Variants in GAREM1 observed in about 807,000 individuals in gnomAD.
The protein encoded by GAREM1 is GRB2 associated regulator of MAPK1 subtype 1, also known as GRB2-associated and regulator of MAPK protein 1.
In GAREM1, 26 loss-of-function variants were observed where a neutral mutation model predicts 71.3. The observed-to-expected ratio is 0.36, with a 90% CI of 0.27 to 0.51. The LOEUF (loss-of-function observed/expected upper bound fraction) is 0.51, where lower values mean the gene tolerates loss of function less well. GAREM1 is among the 20% of genes least tolerant of loss of function. The probability of loss-of-function intolerance (pLI) is 0.95; values close to 1 mark genes in which losing one functional copy is unlikely to be tolerated. For synonymous variants in GAREM1, 440 were observed against 433.2 expected (o/e 1.02, Z -0.20); for missense variants, 1,026 against 1,103.1 (o/e 0.93, Z 0.99).
At chr18:32,464,248 G>A (rs1246821131) in intron 1 of GAREM1, among the ~76,000 whole-genome samples, 2 of 151,910 alleles carry the variant, frequency 1.3e-5, no homozygotes, top group Non-Finnish European at 2.9e-5. Context: ...CCAAGATTGA[G>A]CCACTGCACT....
chr18:32,458,273 G>A (rs1386715776), intron 1 of GAREM1, among the ~76,000 whole-genome samples: 2 of 152,020 alleles, frequency 1.3e-5, no homozygotes, highest in African/African-American at 4.8e-5. Context: ...CAACAATGAA[G>A]TCATCTTTGG....
intron 2 of GAREM1, among the ~76,000 whole-genome samples, chr18:32,328,975 G>C (rs535487696): frequency 2.6e-5 from 4 of 152,110 alleles, no homozygotes; most frequent in Non-Finnish European, 5.9e-5. Flanking sequence ...ATACAATGAC[G>C]GGCAAAGAAC....
chr18:32,457,940 CA>C (rs1445547909), intron 1 of GAREM1, among the ~76,000 whole-genome samples: 1 of 151,938 alleles, frequency 6.6e-6, no homozygotes, highest in Non-Finnish European at 1.5e-5. Flanking sequence ...ACAGTGAAGT[CA>C]ATATTTACAC....
At chr18:32,297,945 T>G (rs1480089519) in intron 3 of GAREM1, among the ~76,000 whole-genome samples, 2 of 152,152 alleles carry the variant, frequency 1.3e-5, no homozygotes, top group Non-Finnish European at 2.9e-5. Context: ...AACATACACC[T>G]TCCAGAATTA....
intron 2 of GAREM1, among the ~76,000 whole-genome samples, chr18:32,353,269 G>A (rs1276146650): frequency 6.6e-6 from 1 of 152,112 alleles, no homozygotes; most frequent in African/African-American, 2.4e-5. Flanking sequence ...CATATTGTGG[G>A]CCATGTGTTT....
Position 32,287,599 on chromosome 18 carries a change from T to C in GAREM1, c.998A>G (p.Gln333Arg), listed in dbSNP as rs1291628124. The C allele has an allele frequency of 3.1e-6, 5 of 1,614,208 alleles. No individual in the cohort carries two copies. Among genetic ancestry groups the C allele is most frequent in the Non-Finnish European group, 4.2e-6 (5 of 1,180,036 alleles). ...CCGTGAATACTCATCGATGTCGAAC[T>C]GTTCTTGGCAGATACCTAGCCAGTG... ...VHHWLGICQEQFDIDEYSRAV... is the reference protein window; with the variant it reads ...VHHWLGICQERFDIDEYSRAV... Residue 333 changes from glutamine to arginine, a missense_variant, in exon 4 of 6, where the codon CAG (glutamine) becomes CGG (arginine). Gln to Arg is a conservative substitution (Grantham distance 43). This residue lies in a region of GAREM1 where 218 missense variants were observed against 296.8 expected (regional missense o/e 0.73). Transcript: ENST00000269209. The surrounding 1 kb of genome is among the most constrained non-coding windows in gnomAD (Gnocchi z 5.9).
intron 1 of GAREM1, among the ~76,000 whole-genome samples, chr18:32,459,749 T>C (rs1487755494): frequency 1.3e-5 from 2 of 152,106 alleles, no homozygotes; most frequent in African/African-American, 2.4e-5. Context: ...GGACCAGAAA[T>C]GACAATGTTA....
At chr18:32,390,477 T>C (rs1324068899) in intron 2 of GAREM1, among the ~76,000 whole-genome samples, 2 of 152,226 alleles carry the variant, frequency 1.3e-5, no homozygotes, top group African/African-American at 4.8e-5. Flanking sequence ...TTTGGTCCTA[T>C]TTCAAGCTTT....
intron 4 of GAREM1, among the ~76,000 whole-genome samples, chr18:32,282,708 C>A (rs2046967466): frequency 6.6e-6 from 1 of 152,178 alleles, no homozygotes; most frequent in South Asian, 2.1e-4. Context: ...CGGTGCCAGG[C>A]TAACCCTGCA....
intron 2 of GAREM1, among the ~76,000 whole-genome samples, chr18:32,322,716 T>A (rs1242930409): frequency 1.3e-5 from 2 of 152,200 alleles, no homozygotes; most frequent in Non-Finnish European, 1.5e-5. Flanking sequence ...GATGGCTGAA[T>A]GAAGGAACTT....
intron 2 of GAREM1, among the ~76,000 whole-genome samples, chr18:32,311,565 A>G (rs1196138943): frequency 6.6e-6 from 1 of 152,208 alleles, no homozygotes; most frequent in Non-Finnish European, 1.5e-5. Flanking sequence ...CAGGGAGACC[A>G]ATCAGTATTG....
chr18:32,390,096 A>G (rs923624681), intron 2 of GAREM1, among the ~76,000 whole-genome samples: 5 of 152,172 alleles, frequency 3.3e-5, no homozygotes, highest in Admixed American at 1.3e-4. Flanking sequence ...CTTTGAGCCC[A>G]GTAGTCCAGG....
intron 2 of GAREM1, among the ~76,000 whole-genome samples, chr18:32,374,273 A>G (rs946256184): frequency 6.6e-6 from 1 of 152,220 alleles, no homozygotes; most frequent in Non-Finnish European, 1.5e-5. Flanking sequence ...GCGTTCAGTC[A>G]TTACATCTCA....
In GAREM1 at chr18:32,267,045, C is replaced by T. The variant is rs1425422568; in HGVS notation, c.*826G>A. On this transcript the variant is annotated 3_prime_UTR_variant, in exon 6 of 6. Transcript: ENST00000269209. ...CTGAGAATCTTTGGAGTCATTCTGT[C>T]CACTATTCCTAAGAGAATCAATGTA... 1.3e-5 allele frequency: 2 copies of T among 152,150 alleles called. No individual in the cohort carries two copies. Among genetic ancestry groups the T allele is most frequent in the African/African-American group, 2.4e-5 (1 of 41,416 alleles). 9.4% of individuals were successfully genotyped at this position (152,150 alleles called of 1,614,324 possible).
At chr18:32,465,482 C>T (rs151066543) in intron 1 of GAREM1, among the ~76,000 whole-genome samples, 3 of 152,174 alleles carry the variant, frequency 2.0e-5, no homozygotes, top group African/African-American at 7.2e-5. Flanking sequence ...CCAACACATC[C>T]GGGACTTAGA....
rs745682565 is a variant in GAREM1, at chr18:32,267,839, G to A, written c.*32C>T. On this transcript the variant is annotated 3_prime_UTR_variant, in exon 6 of 6. Coordinates refer to ENST00000269209, the MANE Select transcript of GAREM1 (RefSeq NM_001242409.2). Reference sequence around the variant, plus strand: ...CCCCTTCTAGCACACGCATTGATCAGTTTTGTTCCATGCTGGCCGGGGGTT... The same window carrying A: ...CCCCTTCTAGCACACGCATTGATCAATTTTGTTCCATGCTGGCCGGGGGTT... 23 of 1,575,800 alleles carry A rather than the reference G, an allele frequency of 1.5e-5. No individual in the cohort carries two copies. The highest frequency in any genetic ancestry group is 5.1e-5 in the Admixed American group (3 of 58,560).
At chr18:32,403,135 T>C (rs941539015) in intron 1 of GAREM1, among the ~76,000 whole-genome samples, 1 of 152,164 alleles carries the variant, frequency 6.6e-6, no homozygotes. Flanking sequence ...CTCAAACTCA[T>C]GGCCTCAAGT....
At chr18:32,459,658 C>T (rs998748558) in intron 1 of GAREM1, among the ~76,000 whole-genome samples, 2 of 151,992 alleles carry the variant, frequency 1.3e-5, no homozygotes, top group Admixed American at 6.6e-5. Context: ...GGTCAGCGGT[C>T]AAAGGTAAAA....
At chr18:32,390,645 C>A (rs2048187193) in intron 2 of GAREM1, among the ~76,000 whole-genome samples, 2 of 152,328 alleles carry the variant, frequency 1.3e-5, no homozygotes, top group African/African-American at 4.8e-5. Context: ...AGCTGCTCAA[C>A]AATATCACAT....
Sources: allele counts gnomAD v4.1 joint callset (sites outside exome capture counted in the v4.1 genomes callset), GRCh38; gene constraint gnomAD v4.1.1; regional missense constraint gnomAD v4.1.1; non-coding constraint Gnocchi (gnomAD v3.1); transcripts MANE v1.5; gene names NCBI Gene and HGNC (gene_info 2026-07-23, HGNC 2026-07-21).